MYCBP2: variants seen among roughly 807,000 people sequenced by gnomAD.
The protein encoded by MYCBP2 is E3 ubiquitin-protein ligase MYCBP2.
A neutral mutation model predicts 525.3 loss-of-function variants in MYCBP2; 120 were observed. The observed-to-expected ratio is 0.23, with a 90% CI of 0.20 to 0.27. MYCBP2 has a LOEUF of 0.27. Among genes scored for constraint, MYCBP2 ranks in the 10% least tolerant of loss-of-function variants. MYCBP2 has a pLI of 1.00. For missense variants in MYCBP2, 4,149 were observed against 5,657.1 expected (o/e 0.73, Z 8.55); for synonymous variants, 1,894 against 1,955.8 (o/e 0.97, Z 0.83).
Position 77,097,793 on chromosome 13 carries a change from A to C in MYCBP2, c.9361T>G (p.Leu3121Val). ...AGAGGTGGTTCCTTAAGCATAGACA[A>C]TACCTTGTTTTTGTTGATGCTACCC... Reference protein sequence around the residue: ...KMGSINKNKVLSMLKEPPLHE... With the variant: ...KMGSINKNKVVSMLKEPPLHE... The change falls in exon 56 of 83, where the codon TTG (leucine) becomes GTG (valine). Residue 3121 changes from leucine (L) to valine (V), a missense_variant. By Grantham distance (32) the Leu-to-Val change is conservative. Transcript: ENST00000544440. 2 of 1,613,756 alleles carry C rather than the reference A, an allele frequency of 1.2e-6. No homozygotes were observed. The highest frequency in any genetic ancestry group is 1.7e-6 in the Non-Finnish European group (2 of 1,179,818).
rs2082397948 is a variant in MYCBP2, at chr13:77,326,995, C to T, written c.-220G>A. 2 of 453,234 alleles carry T rather than the reference C, an allele frequency of 4.4e-6. No homozygotes were observed. The highest frequency in any genetic ancestry group is 7.5e-6 in the Non-Finnish European group (2 of 265,428). The allele number at this position is 453,234 out of a possible 1,614,324, so 28.1% of individuals were successfully genotyped here. A position where few individuals can be genotyped will look rare whatever the true frequency, so the allele number is the denominator to read the frequency against. On this transcript the variant is annotated 5_prime_UTR_variant, in exon 1 of 83. Coordinates refer to ENST00000544440, the MANE Select transcript of MYCBP2 (RefSeq NM_015057.5). The surrounding 1 kb of genome is among the most constrained non-coding windows in gnomAD (Gnocchi z 4.2). ...CGCTACTGGGGCCGCTCATCTAACC[C>T]CGCCACCCCGGGAATGTGAGGAGGA...
intron 68 of MYCBP2, 71 bp downstream of exon 68, chr13:77,076,680 A>G (rs1436462993): frequency 1.1e-6 from 1 of 907,442 alleles, no homozygotes; most frequent in Non-Finnish European, 1.7e-6. Flanking sequence ...ATATACAGCA[A>G]TAAATGAATT....
At chr13:77,324,302 C>T (rs2082041552) in intron 1 of MYCBP2, among the ~76,000 whole-genome samples, 1 of 152,202 alleles carries the variant, frequency 6.6e-6, no homozygotes, top group Non-Finnish European at 1.5e-5. Context: ...TTCTCTCACA[C>T]CTTTAAACCT....
In MYCBP2 at chr13:77,097,979, G is replaced by A. The variant is rs758700342; in HGVS notation, c.9175C>T (p.Pro3059Ser). Residue 3059 changes from proline to serine, a missense_variant, in exon 56 of 83, where the codon CCT becomes TCT. Transcript: ENST00000544440. ...GGAGCATGTTCTTTGGAAAGTTCAG[G>A]ATGAAACTTTAGGAAAGAAGAACAA... ...MACSSFLKFH[P>S]ELSKEHAPIR... The A allele has an allele frequency of 1.2e-6, 2 of 1,613,586 alleles. No homozygotes were observed. The highest frequency in any genetic ancestry group is 1.7e-6 in the Non-Finnish European group (2 of 1,179,796).
At chr13:77,197,314 G>T (rs1012575911) in intron 26 of MYCBP2, among the ~76,000 whole-genome samples, 2 of 152,094 alleles carry the variant, frequency 1.3e-5, no homozygotes, top group Non-Finnish European at 2.9e-5. Flanking sequence ...CTTTGCCTAG[G>T]GTAGTGGTAG....
Position 77,081,701 on chromosome 13 carries a change from G to C in MYCBP2, c.11194-50C>G. 1.3e-6 allele frequency: 2 copies of C among 1,543,928 alleles called. No homozygotes were observed. Among genetic ancestry groups the C allele is most frequent in the Non-Finnish European group, 1.8e-6 (2 of 1,142,240 alleles). Reference sequence around the variant, plus strand: ...TATGATACTTAAAAGCAAATCTTTCGTGATGATAAAACAAACAGGTATAAG... The same window carrying C: ...TATGATACTTAAAAGCAAATCTTTCCTGATGATAAAACAAACAGGTATAAG... On this transcript the variant is annotated intron_variant, in intron 64 of 82. Coordinates refer to ENST00000544440, the MANE Select transcript of MYCBP2 (RefSeq NM_015057.5). The surrounding 1 kb of genome is among the most constrained non-coding windows in gnomAD (Gnocchi z 4.6).
intron 55 of MYCBP2, among the ~76,000 whole-genome samples, chr13:77,107,489 C>A (rs1482676023): frequency 6.6e-6 from 1 of 152,230 alleles, no homozygotes; most frequent in Non-Finnish European, 1.5e-5. Context: ...GTTATCCTAG[C>A]ACTTTGGTAG....
At chr13:77,207,664 G>A (rs1246097400) in intron 23 of MYCBP2, among the ~76,000 whole-genome samples, 1 of 151,986 alleles carries the variant, frequency 6.6e-6, no homozygotes, top group Admixed American at 6.6e-5. Context: ...ATAGCATTTG[G>A]GAGAAAATAT....
intron 2 of MYCBP2, 28 bp from the exon 3 acceptor site, chr13:77,288,404 T>A (rs762993679): frequency 6.4e-7 from 1 of 1,559,716 alleles, no homozygotes; most frequent in Non-Finnish European, 8.8e-7. Context: ...ATATTTCCAT[T>A]TCACACTCTT....
At chr13:77,150,106 A>T (rs2056234988) in intron 47 of MYCBP2, among the ~76,000 whole-genome samples, 1 of 152,236 alleles carries the variant, frequency 6.6e-6, no homozygotes, top group Non-Finnish European at 1.5e-5. Context: ...CTCTGAAGAT[A>T]ACTAAAACAT....
At chr13:77,234,027 T>C (rs540286651) in intron 17 of MYCBP2, among the ~76,000 whole-genome samples, 77 of 151,896 alleles carry the variant, frequency 5.1e-4, no homozygotes, top group Non-Finnish European at 1.0e-3. Flanking sequence ...TATAAATACA[T>C]ACCCACACAG....
At chr13:77,170,876 T>C (rs2059074093) in intron 38 of MYCBP2, among the ~76,000 whole-genome samples, 1 of 152,084 alleles carries the variant, frequency 6.6e-6, no homozygotes, top group Admixed American at 6.5e-5. Flanking sequence ...TGTCCGGCCA[T>C]AACCATGTTT....
At chr13:77,179,136 C>A (rs1009250389) in intron 34 of MYCBP2, among the ~76,000 whole-genome samples, 1 of 152,040 alleles carries the variant, frequency 6.6e-6, no homozygotes, top group Non-Finnish European at 1.5e-5. Flanking sequence ...TAAACTGTCA[C>A]AATTAATCAA....
intron 1 of MYCBP2, among the ~76,000 whole-genome samples, chr13:77,302,360 GTTGAAAAGGGC>G (rs1229616763): frequency 1.5e-5 from 2 of 131,796 alleles, no homozygotes; most frequent in East Asian, 2.6e-4. Flanking sequence ...CATTCTTTGT[GTTGAAAAGGGC>G]TGGGGGGTGG....
intron 69 of MYCBP2, among the ~76,000 whole-genome samples, chr13:77,069,816 C>T (rs896193476): frequency 4.6e-5 from 7 of 151,096 alleles, no homozygotes; most frequent in Non-Finnish European, 7.4e-5. Context: ...TGCAGTGGGC[C>T]GAGATCGCAC....
At chr13:77,231,492 C>A (rs574383986) in intron 18 of MYCBP2, among the ~76,000 whole-genome samples, 22 of 152,074 alleles carry the variant, frequency 1.4e-4, no homozygotes, top group African/African-American at 4.6e-4. Flanking sequence ...AGTGATCCAC[C>A]CCCTCAGCCT....
intron 55 of MYCBP2, among the ~76,000 whole-genome samples, chr13:77,112,733 C>A (rs1247024316): frequency 6.6e-6 from 1 of 152,184 alleles, no homozygotes; most frequent in Non-Finnish European, 1.5e-5. Flanking sequence ...GCCACTACGC[C>A]TGGTCTGCAT....
chr13:77,311,512 C>G (rs1273274338), intron 1 of MYCBP2, among the ~76,000 whole-genome samples: 1 of 146,512 alleles, frequency 6.8e-6, no homozygotes, highest in Admixed American at 6.8e-5. Flanking sequence ...AAGACAAGGA[C>G]AACTGAATGG....
rs192099040 is a variant in MYCBP2 at position 77,199,065 on chromosome 13, G to A, written c.3844-4821C>T. Among the ~76,000 whole-genome samples the A allele has an allele frequency of 2.6e-5, 4 of 152,188 alleles. No homozygotes were observed. The East Asian group carries it at 5.8e-4, about 22-fold the overall frequency. On this transcript the variant is annotated intron_variant, in intron 26 of 82. Coordinates refer to ENST00000544440, the MANE Select transcript of MYCBP2 (RefSeq NM_015057.5). ...AAGATGGCTGAATAGGAACAGCTCCGGTCTACAGCTCCCAGCGTGAGCAAC... is the reference window on the plus strand; with the variant it reads ...AAGATGGCTGAATAGGAACAGCTCCAGTCTACAGCTCCCAGCGTGAGCAAC...
Sources: allele counts gnomAD v4.1 joint callset (sites outside exome capture counted in the v4.1 genomes callset), GRCh38; gene constraint gnomAD v4.1.1; non-coding constraint Gnocchi (gnomAD v3.1); transcripts MANE v1.5; gene names NCBI Gene and HGNC (gene_info 2026-07-23, HGNC 2026-07-21).